The following C8orf34 variants were observed in gnomAD, a reference collection of about 807,000 sequenced individuals.
C8orf34 encodes the protein uncharacterized protein C8orf34.
Under a neutral mutation model 68.3 loss-of-function variants are expected in C8orf34, and 65 were observed. The observed-to-expected ratio is 0.95, with a 90% CI of 0.78 to 1.17. The LOEUF is 1.17. C8orf34 is among the 50% of genes most tolerant of loss of function. The probability of loss-of-function intolerance (pLI) is 0.00; values close to 1 mark genes in which losing one functional copy is unlikely to be tolerated. For synonymous variants in C8orf34, 244 were observed against 241.2 expected (o/e 1.01, Z -0.11); for missense variants, 664 against 655.4 (o/e 1.01, Z -0.14).
At chr8:68,577,312 T>G (rs1283236045) in intron 7 of C8orf34, among the ~76,000 whole-genome samples, 1 of 151,980 alleles carries the variant, frequency 6.6e-6, no homozygotes, top group Non-Finnish European at 1.5e-5. Context: ...AAAATTTAAT[T>G]TAAGTGATTT....
intron 7 of C8orf34, among the ~76,000 whole-genome samples, chr8:68,581,787 C>T (rs1817072460): frequency 6.6e-6 from 1 of 152,094 alleles, no homozygotes; most frequent in South Asian, 2.1e-4. Context: ...ATTTCTGTTG[C>T]AGGGGCAAGA....
rs372223330 is a variant in C8orf34, at chr8:68,584,240, G to T, written c.1105+51091G>T. Among the ~76,000 whole-genome samples the T allele has an allele frequency of 2.0e-5, 3 of 151,908 alleles. No individual in the cohort carries two copies. In the East Asian group the frequency reaches 5.8e-4, roughly 29 times the overall value. Reference sequence around the variant, plus strand: ...CCTTCAGAATGATCCACTCCATTTTGCCCCCAAACTCAACTGAGATTTTTG... The same window carrying T: ...CCTTCAGAATGATCCACTCCATTTTTCCCCCAAACTCAACTGAGATTTTTG... On this transcript the variant is annotated intron_variant, in intron 7 of 13. Transcript: ENST00000518698.
intron 3 of C8orf34, among the ~76,000 whole-genome samples, chr8:68,452,281 G>T (rs577672838): frequency 6.6e-6 from 1 of 150,424 alleles, no homozygotes; most frequent in African/African-American, 2.4e-5. Context: ...TACTTGATTT[G>T]CTGGGTTATA....
chr8:68,463,470 C>T (rs531234107), intron 3 of C8orf34, among the ~76,000 whole-genome samples: 131 of 152,206 alleles, frequency 8.6e-4, no homozygotes, highest in African/African-American at 2.8e-3. Context: ...ATACCAAAGC[C>T]GGGCAGAGAC....
chr8:68,702,444 T>C (rs1821045941), intron 8 of C8orf34, among the ~76,000 whole-genome samples: 1 of 152,192 alleles, frequency 6.6e-6, no homozygotes, highest in South Asian at 2.1e-4. Flanking sequence ...ATCTTACCTA[T>C]CTGGATATAT....
At chr8:68,567,983 A>G (rs1221167058) in intron 7 of C8orf34, among the ~76,000 whole-genome samples, 1 of 151,858 alleles carries the variant, frequency 6.6e-6, no homozygotes, top group African/African-American at 2.4e-5. Flanking sequence ...GGGATTATTA[A>G]TTGGCCTAAT....
intron 4 of C8orf34, among the ~76,000 whole-genome samples, chr8:68,475,117 G>C (rs900490059): frequency 2.0e-5 from 3 of 152,062 alleles, no homozygotes; most frequent in African/African-American, 7.2e-5. Flanking sequence ...CCATGCTTTT[G>C]CTTATGTTGT....
intron 10 of C8orf34, among the ~76,000 whole-genome samples, chr8:68,746,858 G>A (rs906040055): frequency 6.6e-6 from 1 of 151,982 alleles, no homozygotes. Context: ...AACAGAAAAA[G>A]AGGGAATCCT....
intron 7 of C8orf34, among the ~76,000 whole-genome samples, chr8:68,626,507 G>T (rs1300558003): frequency 2.0e-5 from 3 of 152,158 alleles, no homozygotes; most frequent in Admixed American, 6.6e-5. Context: ...TAATACATTT[G>T]TCTCTCCAAA....
chr8:68,405,618 C>T (rs886550011), intron 1 of C8orf34, among the ~76,000 whole-genome samples: 1 of 152,180 alleles, frequency 6.6e-6, no homozygotes, highest in Non-Finnish European at 1.5e-5. Flanking sequence ...CACCATTTCA[C>T]ATGGTTGTGA....
At chr8:68,771,179 G>T (rs1319569543) in intron 10 of C8orf34, among the ~76,000 whole-genome samples, 2 of 152,126 alleles carry the variant, frequency 1.3e-5, no homozygotes, top group Admixed American at 6.5e-5. Context: ...TAATTTCAAA[G>T]ACTTGAGCTT....
intron 5 of C8orf34, among the ~76,000 whole-genome samples, chr8:68,512,216 C>A (rs1217465384): frequency 1.3e-5 from 2 of 152,152 alleles, no homozygotes; most frequent in African/African-American, 2.4e-5. Flanking sequence ...CTTAACATAA[C>A]AACGTTAATT....
chr8:68,580,359 A>C (rs1817027226), intron 7 of C8orf34, among the ~76,000 whole-genome samples: 1 of 152,028 alleles, frequency 6.6e-6, no homozygotes, highest in Non-Finnish European at 1.5e-5. Context: ...AGGAAAGGAG[A>C]CCTAAAATGC....
chr8:68,817,494 G>A (rs537188731), intron 13 of C8orf34, among the ~76,000 whole-genome samples: 6 of 152,194 alleles, frequency 3.9e-5, no homozygotes, highest in Admixed American at 2.0e-4. Context: ...CGAAGCCAAT[G>A]CCACACACAA....
intron 7 of C8orf34, among the ~76,000 whole-genome samples, chr8:68,585,350 A>C (rs1019258804): frequency 2.0e-5 from 3 of 152,286 alleles, no homozygotes; most frequent in Admixed American, 6.5e-5. Context: ...TTATGGGATA[A>C]TTTACAAATT....
intron 8 of C8orf34, among the ~76,000 whole-genome samples, chr8:68,644,286 G>A (rs1369317155): frequency 6.6e-6 from 1 of 152,132 alleles, no homozygotes; most frequent in East Asian, 1.9e-4. Flanking sequence ...ATGATTTTGG[G>A]GAAAGAAGAA....
chr8:68,457,023 T>G (rs1369745166), intron 3 of C8orf34, among the ~76,000 whole-genome samples: 1 of 152,214 alleles, frequency 6.6e-6, no homozygotes, highest in African/African-American at 2.4e-5. Context: ...TATAACCATT[T>G]CAAATTTATA....
rs745624825 is a variant in C8orf34, at chr8:68,539,256, A to G, written c.1105+6107A>G. Among the ~76,000 whole-genome samples, 222 of 152,210 alleles carry G rather than the reference A, an allele frequency of 1.5e-3. 1 individual carries two copies. The highest frequency in any genetic ancestry group is 2.2e-3 in the Non-Finnish European group (150 of 67,984). Reference sequence around the variant, plus strand: ...TCAAGATCATTTGTTTAGCCATAGTAGTAATTTTCATCTAACTTGACTGAG... The same window carrying G: ...TCAAGATCATTTGTTTAGCCATAGTGGTAATTTTCATCTAACTTGACTGAG... On this transcript the variant is annotated intron_variant, in intron 7 of 13. Coordinates refer to ENST00000518698, the MANE Select transcript of C8orf34 (RefSeq NM_052958.4).
intron 7 of C8orf34, among the ~76,000 whole-genome samples, chr8:68,572,104 T>C (rs1234119812): frequency 6.6e-6 from 1 of 152,100 alleles, no homozygotes. Flanking sequence ...AGTATAATAT[T>C]TGTGTATCTA....
Sources: allele counts gnomAD v4.1 joint callset (sites outside exome capture counted in the v4.1 genomes callset), GRCh38; gene constraint gnomAD v4.1.1; transcripts MANE v1.5; gene names NCBI Gene and HGNC (gene_info 2026-07-23, HGNC 2026-07-21).